The following ASTN1 variants were observed in gnomAD, a reference collection of about 807,000 sequenced individuals.
The protein encoded by ASTN1 is astrotactin 1.
ASTN1 carries 41 observed loss-of-function variants against 140.7 expected under a neutral mutation model. That is an observed-to-expected ratio of 0.29 (90% CI 0.23 to 0.38). ASTN1 has a LOEUF of 0.38. ASTN1 is among the 10% of genes least tolerant of loss of function. The probability of loss-of-function intolerance (pLI) is 1.00; values close to 1 mark genes in which losing one functional copy is unlikely to be tolerated. For synonymous variants in ASTN1, 640 were observed against 652.2 expected, an observed-to-expected ratio of 0.98 and a Z score of 0.29; for missense variants, 1,479 against 1,678.8, an observed-to-expected ratio of 0.88 and a Z score of 2.08.
intron 18 of ASTN1, 108 bp from the exon 19 acceptor site, chr1:176,884,598 C>A: frequency 8.1e-7 from 1 of 1,239,900 alleles, no homozygotes; most frequent in South Asian, 1.6e-5. Context: ...CAACCAACTA[C>A]AAAAATGATC....
intron 22 of ASTN1, 80 bp from the exon 23 acceptor site, chr1:176,864,601 T>C (rs1668071352): frequency 6.5e-7 from 1 of 1,547,648 alleles, no homozygotes; most frequent in East Asian, 2.3e-5. Flanking sequence ...AGTGTGAGAC[T>C]CTAAACTTCA....
chr1:177,143,711 A>T (rs973392658), intron 1 of ASTN1, among the ~76,000 whole-genome samples: 4 of 152,216 alleles, frequency 2.6e-5, no homozygotes, highest in African/African-American at 9.6e-5. Flanking sequence ...CTTTAGAGAC[A>T]AAACGAATGA....
chr1:177,158,231 C>A (rs922552168), intron 1 of ASTN1, among the ~76,000 whole-genome samples: 4 of 152,084 alleles, frequency 2.6e-5, no homozygotes, highest in East Asian at 1.9e-4. Context: ...GAGATCTGTA[C>A]AAATACTTTG....
At chr1:176,957,575 G>A in intron 11 of ASTN1, 103 bp downstream of exon 11, 1 of 1,406,546 alleles carries the variant, frequency 7.1e-7, no homozygotes, top group Non-Finnish European at 9.7e-7. Context: ...TTTACAACTG[G>A]GGATCACAGC....
In ASTN1 at chr1:176,864,306, T is replaced by C. The variant is rs1668060069; in HGVS notation, c.3863A>G (p.Tyr1288Cys). 1.9e-6 allele frequency: 3 copies of C among 1,614,036 alleles called. No individual in the cohort carries two copies. Residue 1288 changes from tyrosine (Y) to cysteine (C), a missense_variant, in exon 23 of 23, where the codon TAT becomes TGT. Coordinates refer to ENST00000361833, the MANE Select transcript of ASTN1 (RefSeq NM_004319.3). The part of the protein sequence containing the change: ...EQTLSIPYND[Y>C]GDSKEI ...GTGCTAGATCTCTTTGCTGTCCCCA[T>C]AGTCGTTGTAGGGGATACTCAGGGT...
chr1:177,107,576 G>A (rs565258599), intron 1 of ASTN1, among the ~76,000 whole-genome samples: 4 of 152,278 alleles, frequency 2.6e-5, no homozygotes, highest in African/African-American at 9.6e-5. Context: ...AGAGCAGAGG[G>A]ATGAAGAATA....
chr1:177,113,011 G>A (rs185050558), intron 1 of ASTN1, among the ~76,000 whole-genome samples: 93 of 152,270 alleles, frequency 6.1e-4, no homozygotes, highest in African/African-American at 2.0e-3. Flanking sequence ...GCTGAACAAA[G>A]CATTCCATGA....
chr1:177,117,798 T>C (rs1022804031), intron 1 of ASTN1, among the ~76,000 whole-genome samples: 2 of 152,194 alleles, frequency 1.3e-5, no homozygotes, highest in South Asian at 2.1e-4. Flanking sequence ...TGTACTGCCC[T>C]TCACCTCTAT....
At chr1:177,144,483 A>G (rs1571846631) in intron 1 of ASTN1, among the ~76,000 whole-genome samples, 2 of 149,650 alleles carry the variant, frequency 1.3e-5, no homozygotes, top group South Asian at 4.3e-4. Context: ...TGATCTCCTG[A>G]CCTCGTGATC....
intron 3 of ASTN1, 75 bp downstream of exon 3, chr1:177,032,381 A>C: frequency 1.3e-6 from 2 of 1,541,716 alleles, no homozygotes; most frequent in Non-Finnish European, 1.8e-6. Flanking sequence ...CTGTTGTCAC[A>C]CAGCTGTTCC....
chr1:176,946,071 T>G lies in ASTN1; in HGVS notation c.2104A>C (p.Ile702Leu), dbSNP rs142811346. ...LGVDGRSCQL[I>L]TETCPEGSDC... is the part of the protein sequence containing the mutation. ...CTTCCCTCTGGACAGGTCTCCGTGA[T>G]GAGTTGGCAAGAGCGTCCATCCACA... Residue 702 changes from isoleucine (I) to leucine (L), a missense_variant, in exon 13 of 23, where the codon ATC (isoleucine) becomes CTC (leucine). By Grantham distance (5) the Ile-to-Leu change is conservative. Coordinates refer to ENST00000361833, the MANE Select transcript of ASTN1 (RefSeq NM_004319.3). 4 of 1,613,762 alleles carry G rather than the reference T, an allele frequency of 2.5e-6. No homozygotes were observed. In the South Asian group the frequency reaches 4.4e-5, roughly 18 times the overall value.
At chr1:177,125,881 C>T (rs1681618993) in intron 1 of ASTN1, among the ~76,000 whole-genome samples, 1 of 152,146 alleles carries the variant, frequency 6.6e-6, no homozygotes, top group Admixed American at 6.5e-5. Flanking sequence ...GTGTTTACCA[C>T]CCACTATATT....
chr1:177,001,683 T>G, intron 8 of ASTN1, among the ~76,000 whole-genome samples: 1 of 152,138 alleles, frequency 6.6e-6, no homozygotes, highest in South Asian at 2.1e-4. Flanking sequence ...ACGTTAACCC[T>G]CTTAGAAGTG....
chr1:177,081,558 A>G, intron 1 of ASTN1, among the ~76,000 whole-genome samples: 1 of 152,278 alleles, frequency 6.6e-6, no homozygotes, highest in Non-Finnish European at 1.5e-5. Flanking sequence ...AAGTTTAAAG[A>G]TAAGTGAGCT....
At chr1:177,025,149 C>A (rs1270522427) in intron 5 of ASTN1, among the ~76,000 whole-genome samples, 3 of 152,196 alleles carry the variant, frequency 2.0e-5, no homozygotes, top group Non-Finnish European at 4.4e-5. Context: ...GCAACTCCAC[C>A]CCCATAGTGC....
chr1:176,998,147 A>G (rs559633906), intron 8 of ASTN1, among the ~76,000 whole-genome samples: 7 of 152,246 alleles, frequency 4.6e-5, no homozygotes, highest in Admixed American at 1.3e-4. Flanking sequence ...GGGTCACTCT[A>G]TCTCCTTTTA....
intron 8 of ASTN1, among the ~76,000 whole-genome samples, chr1:176,978,503 T>C (rs930568798): frequency 6.6e-6 from 1 of 152,212 alleles, no homozygotes; most frequent in African/African-American, 2.4e-5. Context: ...GAAGATATTT[T>C]AAGCAGTGGT....
chr1:176,929,940 G>T (rs1222368742), intron 16 of ASTN1, among the ~76,000 whole-genome samples: 1 of 152,144 alleles, frequency 6.6e-6, no homozygotes, highest in Non-Finnish European at 1.5e-5. Context: ...CCCAGGAGGT[G>T]GAGCTTGCAG....
chr1:177,154,684 T>A lies in ASTN1; in HGVS notation c.283+9710A>T, dbSNP rs895085501. Among the ~76,000 whole-genome samples the A allele has an allele frequency of 4.0e-5, 6 of 149,666 alleles. No homozygotes were observed. The South Asian group carries it at 1.0e-3, about 26-fold the overall frequency. On this transcript the variant is annotated intron_variant, in intron 1 of 22. Transcript: ENST00000361833. Reference sequence around the variant, plus strand: ...GCAAGAACACATACCAAAAAAAAAATAATAAGCATTAGGGAGATTAGAGTA... The same window carrying A: ...GCAAGAACACATACCAAAAAAAAAAAAATAAGCATTAGGGAGATTAGAGTA...
Sources: allele counts gnomAD v4.1 joint callset (sites outside exome capture counted in the v4.1 genomes callset), GRCh38; gene constraint gnomAD v4.1.1; transcripts MANE v1.5; gene names NCBI Gene and HGNC (gene_info 2026-07-23, HGNC 2026-07-21).